Variants in CAMTA1 observed in about 807,000 individuals in gnomAD.
CAMTA1 encodes the protein calmodulin-binding transcription activator 1.
CAMTA1 carries 27 observed loss-of-function variants against 170.9 expected under a neutral mutation model. The ratio of observed to expected loss-of-function variants is 0.16; its 90% CI spans 0.12 to 0.22. The LOEUF (loss-of-function observed/expected upper bound fraction) is 0.22. Among genes scored for constraint, CAMTA1 ranks in the 10% least tolerant of loss-of-function variants. The pLI, the probability that CAMTA1 is intolerant of heterozygous loss-of-function variation, is 1.00. For synonymous variants in CAMTA1, 833 were observed against 891.5 expected (o/e 0.93, Z 1.17); for missense variants, 1,619 against 2,217.2 (o/e 0.73, Z 5.42).
At chr1:7,500,345 C>A in intron 6 of CAMTA1, among the ~76,000 whole-genome samples, 1 of 148,172 alleles carries the variant, frequency 6.7e-6, no homozygotes, top group South Asian at 2.1e-4. Flanking sequence ...ATGGTGTGAG[C>A]CTGGTGTGCG....
chr1:7,183,230 T>C (rs1398839975), intron 4 of CAMTA1, among the ~76,000 whole-genome samples: 1 of 152,106 alleles, frequency 6.6e-6, no homozygotes, highest in East Asian at 1.9e-4. Context: ...AGGTGTCATG[T>C]ACCTTTTAAC....
chr1:7,379,991 C>G (rs1222367129), intron 5 of CAMTA1, among the ~76,000 whole-genome samples: 1 of 152,210 alleles, frequency 6.6e-6, no homozygotes, highest in African/African-American at 2.4e-5. Context: ...GTAGTCATCA[C>G]TTTGTGGAGG....
At chr1:7,116,237 TAATCAGTTAATTTTAAAA>T (rs1299474960) in intron 4 of CAMTA1, among the ~76,000 whole-genome samples, 2 of 152,190 alleles carry the variant, frequency 1.3e-5, no homozygotes, top group Non-Finnish European at 2.9e-5. Context: ...GTTGAGTCAT[TAATCAGTTAATTTTAAAA>T]AATCACTTAA....
At position 7,597,491 on chromosome 1, in the gene CAMTA1, G is replaced by A. The variant is rs114929111; in HGVS notation, c.511-42909G>A. 7.8e-3 allele frequency among the ~76,000 whole-genome samples: 1,188 copies of A among 152,276 alleles called. 13 individuals are homozygous for A. The highest frequency in any genetic ancestry group is 0.028 in the African/African-American group (1,143 of 41,536). ...CAACCCCTGAGTATTCCATAGGGTT[G>A]CTGCAGCAGAAGATGTGTTTCCTGG... On this transcript the variant is annotated intron_variant, in intron 6 of 22. Coordinates refer to ENST00000303635, the MANE Select transcript of CAMTA1 (RefSeq NM_015215.4).
At chr1:7,288,030 C>T (rs936591684) in intron 5 of CAMTA1, among the ~76,000 whole-genome samples, 1 of 152,202 alleles carries the variant, frequency 6.6e-6, no homozygotes, top group African/African-American at 2.4e-5. Context: ...TTAGTTTCTG[C>T]ATGTGTGTAT....
chr1:6,883,190 G>C (rs914003264), intron 3 of CAMTA1, among the ~76,000 whole-genome samples: 1 of 152,090 alleles, frequency 6.6e-6, no homozygotes, highest in Non-Finnish European at 1.5e-5. Context: ...CACCGCGCCC[G>C]GACAAGGAAG....
rs368872315 is a variant in CAMTA1 at position 6,946,548 on chromosome 1, G to A, written c.234+121338G>A. On this transcript the variant is annotated intron_variant, in intron 3 of 22. Coordinates refer to ENST00000303635, the MANE Select transcript of CAMTA1 (RefSeq NM_015215.4). ...TGGGTATGAGGTGGTATCTCATTGT[G>A]GTTTTGATTTGCATTTCCCTGATGA... Among the ~76,000 whole-genome samples the A allele has an allele frequency of 1.5e-4, 23 of 152,106 alleles. No individual in the cohort carries two copies. The East Asian group carries it at 2.3e-3, about 15-fold the overall frequency.
In CAMTA1 at chr1:7,098,099, T is replaced by TTTTG. The variant is rs1553244124; in HGVS notation, c.302+6729_302+6730insTTGT. Among the ~76,000 whole-genome samples, 17 of 150,878 alleles carry TTTTG rather than the reference T, an allele frequency of 1.1e-4. No individual in the cohort carries two copies. In the South Asian group the frequency reaches 2.7e-3, roughly 24 times the overall value. On this transcript the variant is annotated intron_variant, in intron 4 of 22. Coordinates refer to ENST00000303635, the MANE Select transcript of CAMTA1 (RefSeq NM_015215.4). ...GGCAGGATTGGCTGGGGTGGACGAA[T>TTTTG]TGTGTGTGTGTGTGTGTGTGTGCAC... is the stretch of plus-strand genomic sequence containing the variant.
At chr1:6,895,304 T>A (rs1235587858) in intron 3 of CAMTA1, among the ~76,000 whole-genome samples, 1 of 152,168 alleles carries the variant, frequency 6.6e-6, no homozygotes, top group African/African-American at 2.4e-5. Context: ...GATTCTGCCC[T>A]TTTTTCCCCA....
intron 19 of CAMTA1, chr1:7,749,935 C>T (rs1314692442): frequency 5.7e-6 from 2 of 350,510 alleles, no homozygotes; most frequent in Non-Finnish European, 1.1e-5. Context: ...AAGCACAGTT[C>T]CTCTGTCGTC....
At chr1:7,555,591 G>A (rs959486848) in intron 6 of CAMTA1, among the ~76,000 whole-genome samples, 4 of 144,042 alleles carry the variant, frequency 2.8e-5, no homozygotes, top group African/African-American at 1.0e-4. Context: ...CCAAGGAGCC[G>A]AATGAGGTCC....
At chr1:7,751,150 C>T (rs749935373) in intron 19 of CAMTA1, 49 bp from the exon 20 acceptor site, 24 of 1,432,380 alleles carry the variant, frequency 1.7e-5, no homozygotes, top group Middle Eastern at 1.8e-4. Context: ...ACGCTGAGCC[C>T]GTGCAGCCCC....
intron 1 of CAMTA1, among the ~76,000 whole-genome samples, chr1:6,800,041 A>G (rs1643516986): frequency 6.6e-6 from 1 of 152,154 alleles, no homozygotes. Context: ...AGACACTCAG[A>G]TATCTCCTTT....
intron 9 of CAMTA1, among the ~76,000 whole-genome samples, chr1:7,666,513 C>T (rs1261459107): frequency 6.6e-6 from 1 of 152,214 alleles, no homozygotes; most frequent in Non-Finnish European, 1.5e-5. Context: ...TTCTGTAGAG[C>T]AGAATAGCAC....
intron 5 of CAMTA1, among the ~76,000 whole-genome samples, chr1:7,423,525 G>A (rs1220267307): frequency 1.3e-5 from 2 of 149,884 alleles, no homozygotes; most frequent in African/African-American, 4.9e-5. Flanking sequence ...CTGCCTGCCT[G>A]TACCCAGCCT....
chr1:7,558,687 T>TG (rs1295167753), intron 6 of CAMTA1, among the ~76,000 whole-genome samples: 3 of 152,198 alleles, frequency 2.0e-5, no homozygotes, highest in African/African-American at 7.2e-5. Context: ...TCTGCGGGTC[T>TG]GGGGTGCAGA....
intron 4 of CAMTA1, among the ~76,000 whole-genome samples, chr1:7,111,167 C>T (rs1034410626): frequency 5.3e-5 from 8 of 152,208 alleles, no homozygotes; most frequent in Non-Finnish European, 7.3e-5. Flanking sequence ...CTTCTAATGA[C>T]CTTGTGATTA....
intron 3 of CAMTA1, among the ~76,000 whole-genome samples, chr1:6,872,233 T>TCACCACCACCAC (rs35457975): frequency 4.3e-4 from 65 of 150,172 alleles, no homozygotes; most frequent in African/African-American, 1.5e-3. Flanking sequence ...ACCCTCACCA[T>TCACCACCACCAC]CACCACCACC....
At chr1:7,294,648 C>T (rs1359445800) in intron 5 of CAMTA1, among the ~76,000 whole-genome samples, 1 of 152,222 alleles carries the variant, frequency 6.6e-6, no homozygotes, top group Non-Finnish European at 1.5e-5. Flanking sequence ...GCATTCTGGT[C>T]CCTGGAGTAG....
Sources: gnomAD v4.1 joint callset for allele counts (sites outside exome capture counted in the v4.1 genomes callset) on GRCh38, gnomAD v4.1.1 for gene constraint, MANE v1.5 for transcripts, NCBI Gene and HGNC (gene_info 2026-07-23, HGNC 2026-07-21) for gene names.